Variants in AFF1 observed in about 807,000 individuals in gnomAD.
AFF1 encodes AF4/FMR2 family member 1.
AFF1 carries 48 observed loss-of-function variants against 121.7 expected under a neutral mutation model. The observed-to-expected ratio is 0.39, with a 90% confidence interval of 0.31 to 0.50. The LOEUF is 0.50. Ranked by LOEUF, AFF1 falls within the 20% of genes least tolerant of loss-of-function variation. The pLI is 0.76. For missense variants in AFF1, 1,523 were observed against 1,511.7 expected, an observed-to-expected ratio of 1.01 and a Z score of -0.12; for synonymous variants, 613 against 563.0, an observed-to-expected ratio of 1.09 and a Z score of -1.26.
At chr4:87,071,797 G>A (rs1331347740) in intron 4 of AFF1, among the ~76,000 whole-genome samples, 1 of 152,112 alleles carries the variant, frequency 6.6e-6, no homozygotes, top group Non-Finnish European at 1.5e-5. Flanking sequence ...TGTCACTTAG[G>A]TTCTGTATTC....
At position 87,131,068 on chromosome 4, in the gene AFF1, G is replaced by A. The variant is rs1728782285; in HGVS notation, c.2965-15G>A. 1.9e-6 allele frequency: 3 copies of A among 1,613,218 alleles called. No individual in the cohort carries two copies. Among genetic ancestry groups the A allele is most frequent in the East Asian group, 2.2e-5 (1 of 44,892 alleles). On this transcript the variant is annotated splice_polypyrimidine_tract_variant and intron_variant, in intron 16 of 20. Transcript: ENST00000395146. ...TTGTCTTCAGCCTAACAATGACCAT[G>A]TTCTTCTCCTGCAGACGGACAGGGT... is the stretch of plus-strand genomic sequence containing the variant.
At chr4:86,990,982 T>G (rs886110258) in intron 2 of AFF1, among the ~76,000 whole-genome samples, 3 of 151,752 alleles carry the variant, frequency 2.0e-5, no homozygotes. Flanking sequence ...TGAAACCTTG[T>G]CTCTACTAAA....
intron 4 of AFF1, among the ~76,000 whole-genome samples, chr4:87,063,197 G>A (rs999830264): frequency 8.7e-6 from 1 of 114,974 alleles, no homozygotes; most frequent in East Asian, 2.9e-4. Context: ...TTTTAACGTT[G>A]TCTAAATGTA....
At chr4:86,945,478 C>A (rs1365125164) in intron 1 of AFF1, among the ~76,000 whole-genome samples, 4 of 148,738 alleles carry the variant, frequency 2.7e-5, no homozygotes, top group Non-Finnish European at 5.9e-5. Flanking sequence ...ACATGTGCCA[C>A]CTTGCCCAGC....
At chr4:87,024,530 T>G (rs1728336133) in intron 2 of AFF1, among the ~76,000 whole-genome samples, 1 of 152,156 alleles carries the variant, frequency 6.6e-6, no homozygotes, top group Non-Finnish European at 1.5e-5. Context: ...ACAGGGGATG[T>G]ATGTGGATGG....
chr4:86,985,367 T>C (rs1450594410), intron 2 of AFF1, among the ~76,000 whole-genome samples: 1 of 150,802 alleles, frequency 6.6e-6, no homozygotes, highest in Non-Finnish European at 1.5e-5. Flanking sequence ...AAAAATTAGC[T>C]GGGTGTGGTG....
At chr4:86,999,067 T>C (rs1308112248) in intron 2 of AFF1, among the ~76,000 whole-genome samples, 1 of 152,224 alleles carries the variant, frequency 6.6e-6, no homozygotes, top group Non-Finnish European at 1.5e-5. Context: ...CTCTTTCTCT[T>C]CCCTGTTTCC....
chr4:86,939,286 TGACTC>T (rs74705606), intron 1 of AFF1, among the ~76,000 whole-genome samples: 23,738 of 152,080 alleles, frequency 0.16, 2,103 homozygotes, highest in East Asian at 0.29. Flanking sequence ...TTAAGTGACT[TGACTC>T]TGTGACTCAA....
chr4:87,014,900 C>G (rs750832257), intron 2 of AFF1, among the ~76,000 whole-genome samples: 11 of 152,152 alleles, frequency 7.2e-5, no homozygotes, highest in Non-Finnish European at 1.3e-4. Context: ...AACTATGAAA[C>G]CTGTTTCCTC....
chr4:87,118,397 C>G (rs116853557), intron 12 of AFF1, among the ~76,000 whole-genome samples: 22 of 152,336 alleles, frequency 1.4e-4, no homozygotes, highest in African/African-American at 4.8e-4. Flanking sequence ...CATGACCTCA[C>G]GTCGTGTTCT....
chr4:86,974,899 C>A (rs762548986), intron 2 of AFF1, among the ~76,000 whole-genome samples: 3 of 152,036 alleles, frequency 2.0e-5, no homozygotes, highest in Admixed American at 6.6e-5. Flanking sequence ...TTTTCCTTAC[C>A]CTCTTTCATC....
intron 4 of AFF1, among the ~76,000 whole-genome samples, chr4:87,066,274 T>A (rs1181056318): frequency 1.3e-5 from 2 of 152,210 alleles, no homozygotes; most frequent in African/African-American, 2.4e-5. Context: ...GATGTTTGGC[T>A]TTCTAGTGAC....
At chr4:87,098,351 A>C (rs1440281825) in intron 8 of AFF1, among the ~76,000 whole-genome samples, 3 of 152,228 alleles carry the variant, frequency 2.0e-5, no homozygotes, top group Non-Finnish European at 4.4e-5. Flanking sequence ...TTTGCCCCTA[A>C]GTTTAAGAGA....
chr4:86,953,761 C>A (rs1721544660), intron 2 of AFF1, among the ~76,000 whole-genome samples: 1 of 151,892 alleles, frequency 6.6e-6, no homozygotes, highest in African/African-American at 2.4e-5. Context: ...CTCTTGTCGC[C>A]CAGGCTGGAA....
intron 2 of AFF1, chr4:87,020,941 A>T: frequency 1.4e-6 from 1 of 720,698 alleles, no homozygotes; most frequent in Non-Finnish European, 1.7e-6. Flanking sequence ...TATATTCTGC[A>T]TGCGGATTTT....
intron 11 of AFF1, among the ~76,000 whole-genome samples, chr4:87,109,539 G>C (rs1381518355): frequency 6.6e-6 from 1 of 152,146 alleles, no homozygotes; most frequent in African/African-American, 2.4e-5. Context: ...ATTTTTCTAT[G>C]CCTCAGGGAA....
chr4:87,126,328 G>A lies in AFF1; in HGVS notation c.2803G>A (p.Glu935Lys). ...VEGKGSRSSS[E>K]HKGSSGDTAN... ...GGGGAAGGGCTCCAGAAGCTCCTCG[G>A]AGCACAAGGTGAGCAGGGGCGGCGG... The change falls in exon 14 of 21, where the codon GAG becomes AAG. Residue 935 changes from glutamate to lysine, a missense_variant. Glu to Lys is a moderately conservative substitution (Grantham distance 56, BLOSUM62 1). Around this residue, in one of 5 missense-constraint regions of AFF1, gnomAD observed 905 missense variants for 842.5 expected, o/e 1.07. Transcript: ENST00000395146. 12 of 1,614,050 alleles carry A rather than the reference G, an allele frequency of 7.4e-6. No homozygotes were observed. The highest frequency in any genetic ancestry group is 1.0e-5 in the Non-Finnish European group (12 of 1,179,946).
At chr4:86,998,116 A>ACAAAAC (rs1725373763) in intron 2 of AFF1, among the ~76,000 whole-genome samples, 1 of 150,872 alleles carries the variant, frequency 6.6e-6, no homozygotes, top group South Asian at 2.1e-4. Flanking sequence ...AAAAAAAAAA[A>ACAAAAC]AAAAAAAAAA....
intron 7 of AFF1, 93 bp from the exon 8 acceptor site, chr4:87,094,822 G>C: frequency 8.6e-7 from 1 of 1,169,548 alleles, no homozygotes; most frequent in Non-Finnish European, 1.3e-6. Flanking sequence ...AGTGTGTTTA[G>C]GTAAAAACTG....
Sources: gnomAD v4.1 joint callset for allele counts (sites outside exome capture counted in the v4.1 genomes callset) on GRCh38, gnomAD v4.1.1 for gene constraint, gnomAD v4.1.1 regional missense constraint, MANE v1.5 for transcripts, NCBI Gene and HGNC (gene_info 2026-07-23, HGNC 2026-07-21) for gene names.